SMYD3: variants seen among roughly 807,000 people sequenced by gnomAD.
SMYD3 encodes the protein histone-lysine N-methyltransferase SMYD3.
Under a neutral mutation model 57.7 loss-of-function variants are expected in SMYD3, and 36 were observed. The observed-to-expected ratio is 0.62, with a 90% CI of 0.48 to 0.82. The LOEUF (loss-of-function observed/expected upper bound fraction) is 0.82. Among genes scored for constraint, SMYD3 ranks in the 40% least tolerant of loss-of-function variants. The pLI is 0.00. For missense variants in SMYD3, 515 were observed against 538.8 expected, an observed-to-expected ratio of 0.96 and a Z score of 0.44; for synonymous variants, 211 against 195.0, an observed-to-expected ratio of 1.08 and a Z score of -0.68.
chr1:246,248,590 T>TCTACCACA (rs2063745643), intron 5 of SMYD3, among the ~76,000 whole-genome samples: 1 of 149,514 alleles, frequency 6.7e-6, no homozygotes, highest in Non-Finnish European at 1.5e-5. Context: ...TGTAGCTCCA[T>TCTACCACA]CTACCACACC....
chr1:246,144,132 G>C (rs1288024949), intron 5 of SMYD3, among the ~76,000 whole-genome samples: 1 of 152,162 alleles, frequency 6.6e-6, no homozygotes, highest in Non-Finnish European at 1.5e-5. Context: ...CTGTCGAGCT[G>C]ACAAGAGCTG....
chr1:246,331,442 GATT>G (rs2065460498), intron 3 of SMYD3, among the ~76,000 whole-genome samples: 1 of 152,202 alleles, frequency 6.6e-6, no homozygotes. Flanking sequence ...ATGTAACAGA[GATT>G]ACTACCATCT....
At chr1:246,192,988 TGGA>T (rs1003463409) in intron 5 of SMYD3, among the ~76,000 whole-genome samples, 1 of 151,718 alleles carries the variant, frequency 6.6e-6, no homozygotes, top group Non-Finnish European at 1.5e-5. Context: ...TAGGAAATCT[TGGA>T]GGAGTTCTAA....
chr1:246,404,189 G>C (rs564886547), intron 1 of SMYD3, among the ~76,000 whole-genome samples: 10 of 152,276 alleles, frequency 6.6e-5, no homozygotes, highest in African/African-American at 2.4e-4. Flanking sequence ...GGTGGCCACC[G>C]CTGCTGAGGT....
chr1:246,083,510 G>GCGCGGGTCCTCCGTATGCTGA (rs1553283939), intron 5 of SMYD3, among the ~76,000 whole-genome samples: 66,809 of 142,038 alleles, frequency 0.47, 18,047 homozygotes, highest in Non-Finnish European at 0.62. Flanking sequence ...GGCTGGTGCC[G>GCGCGGGTCCTCCGTATGCTGA]GCGCGGGTCC....
At chr1:246,028,244 C>G (rs2059610411) in intron 5 of SMYD3, among the ~76,000 whole-genome samples, 1 of 152,000 alleles carries the variant, frequency 6.6e-6, no homozygotes, top group Non-Finnish European at 1.5e-5. Context: ...CTAGTCAGAG[C>G]AACCAGGCAA....
chr1:245,814,889 T>C (rs901485940), intron 10 of SMYD3, among the ~76,000 whole-genome samples: 1 of 150,360 alleles, frequency 6.7e-6, no homozygotes, highest in African/African-American at 2.5e-5. Context: ...CACACACGCA[T>C]GCACACACAC....
intron 1 of SMYD3, among the ~76,000 whole-genome samples, chr1:246,421,550 A>C (rs776447446): frequency 3.3e-5 from 5 of 152,192 alleles, no homozygotes; most frequent in Non-Finnish European, 5.9e-5. Context: ...CAGAGCCCCC[A>C]GGTCTATATT....
intron 7 of SMYD3, among the ~76,000 whole-genome samples, chr1:245,922,389 A>AAAT (rs2056037679): frequency 6.6e-6 from 1 of 152,218 alleles, no homozygotes. Context: ...TAAGAATGGA[A>AAAT]AATAATCTGT....
rs1017109277 is a variant in SMYD3 at position 246,292,462 on chromosome 1, T to C, written c.531+34739A>G. Among the ~76,000 whole-genome samples the C allele has an allele frequency of 5.9e-5, 9 of 152,208 alleles. No individual in the cohort carries two copies. The East Asian group carries it at 9.6e-4, about 16-fold the overall frequency. On this transcript the variant is annotated intron_variant, in intron 5 of 11. Coordinates refer to ENST00000490107, the MANE Select transcript of SMYD3 (RefSeq NM_001167740.2). The stretch of plus-strand genomic sequence containing the variant: ...CTTACTATCCAACACACCAGCATCT[T>C]AGACTTACTATCCAATACACCAGTA...
chr1:246,288,660 T>G (rs527544452), intron 5 of SMYD3, among the ~76,000 whole-genome samples: 110 of 152,292 alleles, frequency 7.2e-4, no homozygotes, highest in African/African-American at 2.6e-3. Flanking sequence ...ATGCAAAGAA[T>G]TGAGCATTTA....
At chr1:246,496,390 T>C (rs1173828345) in intron 1 of SMYD3, among the ~76,000 whole-genome samples, 1 of 152,184 alleles carries the variant, frequency 6.6e-6, no homozygotes, top group Non-Finnish European at 1.5e-5. Context: ...TGTTTTTAAC[T>C]TTTATATATT....
intron 5 of SMYD3, among the ~76,000 whole-genome samples, chr1:246,238,142 C>T (rs1424345495): frequency 6.6e-6 from 1 of 152,104 alleles, no homozygotes; most frequent in East Asian, 1.9e-4. Context: ...CGGCTCACTG[C>T]AGCCTCAACC....
At chr1:245,904,207 T>A (rs537224081) in intron 8 of SMYD3, among the ~76,000 whole-genome samples, 31 of 152,078 alleles carry the variant, frequency 2.0e-4, no homozygotes, top group African/African-American at 7.5e-4. Flanking sequence ...GAGACGGGGG[T>A]GAGTTCTCAT....
At chr1:246,301,320 T>C (rs1430589045) in intron 5 of SMYD3, among the ~76,000 whole-genome samples, 1 of 152,144 alleles carries the variant, frequency 6.6e-6, no homozygotes, top group Non-Finnish European at 1.5e-5. Flanking sequence ...GAATGTTCAA[T>C]TCTCGTGCAG....
intron 10 of SMYD3, among the ~76,000 whole-genome samples, chr1:245,803,087 T>G (rs563230389): frequency 6.6e-6 from 1 of 152,314 alleles, no homozygotes; most frequent in African/African-American, 2.4e-5. Flanking sequence ...CTAAAAATAC[T>G]TCTTCTCTTT....
chr1:245,971,233 T>A (rs1210131455), intron 5 of SMYD3, among the ~76,000 whole-genome samples: 1 of 152,130 alleles, frequency 6.6e-6, no homozygotes, highest in African/African-American at 2.4e-5. Flanking sequence ...CACTCTTAAG[T>A]GGGAGTTGCA....
At chr1:245,785,693 G>A (rs1367776007) in intron 10 of SMYD3, among the ~76,000 whole-genome samples, 3 of 150,528 alleles carry the variant, frequency 2.0e-5, no homozygotes, top group Non-Finnish European at 4.4e-5. Context: ...GAGCAAGAGA[G>A]AGAGCAAGAG....
At chr1:246,112,215 C>T (rs1201838635) in intron 5 of SMYD3, among the ~76,000 whole-genome samples, 4 of 152,160 alleles carry the variant, frequency 2.6e-5, no homozygotes, top group East Asian at 1.9e-4. Context: ...CAAATCTATA[C>T]TTATGAGCTA....
Sources: gnomAD v4.1 joint callset for allele counts (sites outside exome capture counted in the v4.1 genomes callset) on GRCh38, gnomAD v4.1.1 for gene constraint, MANE v1.5 for transcripts, NCBI Gene and HGNC (gene_info 2026-07-23, HGNC 2026-07-21) for gene names.